Variants in ASIC2 observed in about 807,000 individuals in gnomAD.
The protein encoded by ASIC2 is acid sensing ion channel subunit 2.
ASIC2 carries 25 observed loss-of-function variants against 57.3 expected under a neutral mutation model. The observed-to-expected ratio is 0.44, with a 90% confidence interval of 0.32 to 0.61. The LOEUF (loss-of-function observed/expected upper bound fraction) is 0.61, where lower values mean the gene tolerates loss of function less well. ASIC2 is among the 20% of genes least tolerant of loss of function. ASIC2 has a pLI of 0.06. For synonymous variants in ASIC2, 319 were observed against 307.5 expected (o/e 1.04, Z -0.39); for missense variants, 641 against 738.1 (o/e 0.87, Z 1.52).
chr17:33,993,747 T>C (rs1044613663), intron 1 of ASIC2, among the ~76,000 whole-genome samples: 3 of 152,128 alleles, frequency 2.0e-5, no homozygotes, highest in African/African-American at 7.2e-5. Flanking sequence ...GATAGTTTAG[T>C]CTAGTGTCTG....
At chr17:33,050,905 A>G (rs1428374814) in intron 3 of ASIC2, among the ~76,000 whole-genome samples, 1 of 152,108 alleles carries the variant, frequency 6.6e-6, no homozygotes, top group Admixed American at 6.5e-5. Context: ...TGAGGTAGGT[A>G]CTATTGTTAT....
chr17:34,026,974 A>G (rs1907400121), intron 1 of ASIC2, among the ~76,000 whole-genome samples: 1 of 152,230 alleles, frequency 6.6e-6, no homozygotes, highest in Admixed American at 6.5e-5. Context: ...TAAAAAGAAA[A>G]TTGGCCTCCA....
intron 1 of ASIC2, among the ~76,000 whole-genome samples, chr17:33,351,949 G>T (rs1460622815): frequency 2.0e-5 from 3 of 152,096 alleles, no homozygotes; most frequent in African/African-American, 7.2e-5. Flanking sequence ...TCTAATGACA[G>T]CTCAGGTTTT....
At chr17:33,413,953 T>G (rs1287061961) in intron 1 of ASIC2, among the ~76,000 whole-genome samples, 1 of 152,198 alleles carries the variant, frequency 6.6e-6, no homozygotes, top group Admixed American at 6.5e-5. Context: ...ATCTTGGTTT[T>G]AGGGCCAGGA....
chr17:33,609,479 A>T (rs984210197), intron 1 of ASIC2, among the ~76,000 whole-genome samples: 1 of 152,034 alleles, frequency 6.6e-6, no homozygotes, highest in Non-Finnish European at 1.5e-5. Context: ...TCACATCCTG[A>T]TCCTCCCGTG....
intron 3 of ASIC2, 87 bp from the exon 4 acceptor site, chr17:33,028,479 T>G: frequency 1.3e-6 from 2 of 1,513,592 alleles, no homozygotes; most frequent in Non-Finnish European, 1.8e-6. Flanking sequence ...AAACAATTAT[T>G]GAGCATTTAA....
chr17:33,940,304 T>C (rs1359223912), intron 1 of ASIC2, among the ~76,000 whole-genome samples: 1 of 152,182 alleles, frequency 6.6e-6, no homozygotes, highest in Non-Finnish European at 1.5e-5. Flanking sequence ...GGGTTCCCTG[T>C]AGAAGCTGGT....
At chr17:33,854,063 A>G (rs1292287735) in intron 1 of ASIC2, among the ~76,000 whole-genome samples, 1 of 152,242 alleles carries the variant, frequency 6.6e-6, no homozygotes, top group Non-Finnish European at 1.5e-5. Flanking sequence ...TGAACTCAAC[A>G]AAAGTCTATT....
At chr17:33,565,013 T>C (rs973223616) in intron 1 of ASIC2, among the ~76,000 whole-genome samples, 28 of 152,224 alleles carry the variant, frequency 1.8e-4, no homozygotes, top group African/African-American at 6.5e-4. Flanking sequence ...TGTTAATAAA[T>C]ACGTGGGTAA....
intron 1 of ASIC2, among the ~76,000 whole-genome samples, chr17:33,485,141 A>C (rs534567680): frequency 6.6e-6 from 1 of 152,370 alleles, no homozygotes; most frequent in East Asian, 1.9e-4. Context: ...CTATGATTTG[A>C]TCTTAGGTCC....
At chr17:33,922,551 G>C (rs191793597) in intron 1 of ASIC2, among the ~76,000 whole-genome samples, 11 of 152,318 alleles carry the variant, frequency 7.2e-5, no homozygotes, top group African/African-American at 2.6e-4. Context: ...AAGGTGGAGA[G>C]AGACATGGAT....
chr17:33,037,130 C>CAAAAAA (rs35845015), intron 3 of ASIC2, among the ~76,000 whole-genome samples: 17 of 125,584 alleles, frequency 1.4e-4, no homozygotes, highest in South Asian at 2.7e-4. Context: ...GGTGTGGTAG[C>CAAAAAA]AAAAAAAAAA....
At chr17:33,737,660 C>T (rs555965903) in intron 1 of ASIC2, among the ~76,000 whole-genome samples, 1 of 142,046 alleles carries the variant, frequency 7.0e-6, no homozygotes, top group Non-Finnish European at 1.5e-5. Flanking sequence ...GTAAAATACC[C>T]CTAACAGTAC....
At chr17:33,232,639 G>T (rs1303843513) in intron 1 of ASIC2, among the ~76,000 whole-genome samples, 1 of 152,178 alleles carries the variant, frequency 6.6e-6, no homozygotes, top group Non-Finnish European at 1.5e-5. Flanking sequence ...CCCTTGTTGA[G>T]TTTATGTAAA....
intron 1 of ASIC2, among the ~76,000 whole-genome samples, chr17:33,452,113 A>G (rs1239691998): frequency 6.6e-6 from 1 of 152,230 alleles, no homozygotes; most frequent in Non-Finnish European, 1.5e-5. Context: ...TGTAAATTAA[A>G]AGCAAAAAAG....
At chr17:33,885,884 T>C (rs1437947311) in intron 1 of ASIC2, among the ~76,000 whole-genome samples, 1 of 152,192 alleles carries the variant, frequency 6.6e-6, no homozygotes, top group East Asian at 1.9e-4. Context: ...CAGTAGTGTA[T>C]TATCCTTGGG....
chr17:33,212,869 T>C (rs183525980), intron 1 of ASIC2, among the ~76,000 whole-genome samples: 1 of 152,346 alleles, frequency 6.6e-6, no homozygotes, highest in Admixed American at 6.5e-5. Flanking sequence ...AACTGAGTGA[T>C]AGAGGCCAGC....
intron 1 of ASIC2, among the ~76,000 whole-genome samples, chr17:33,133,704 C>T (rs907060819): frequency 6.6e-6 from 1 of 152,142 alleles, no homozygotes; most frequent in Non-Finnish European, 1.5e-5. Flanking sequence ...CAAGGTAGGT[C>T]CGTGGTGATC....
chr17:33,028,393 C>A lies in ASIC2; in HGVS notation c.988-1G>T. On this transcript the variant is annotated splice_acceptor_variant, in intron 3 of 9. Transcript: ENST00000225823. LOFTEE classifies it high-confidence loss of function. ...CCCACGGTGGGGGCAGGTATGTGAG[C>A]TGCAAGACAGGAAGGAGGGGGCGGC... 6.2e-7 allele frequency: 1 copy of A among 1,614,072 alleles called. No homozygotes were observed. Among genetic ancestry groups the A allele is most frequent in the Non-Finnish European group, 8.5e-7 (1 of 1,179,994 alleles).
Sources: gnomAD v4.1 joint callset for allele counts (sites outside exome capture counted in the v4.1 genomes callset) on GRCh38, gnomAD v4.1.1 for gene constraint, MANE v1.5 for transcripts, NCBI Gene and HGNC (gene_info 2026-07-23, HGNC 2026-07-21) for gene names.